SNTB1: variants seen among roughly 807,000 people sequenced by gnomAD.
SNTB1 encodes beta-1-syntrophin.
A neutral mutation model predicts 48.9 loss-of-function variants in SNTB1; 36 were observed. That is an observed-to-expected ratio of 0.74 (90% CI 0.56 to 0.97). The LOEUF is 0.97. Ranked by LOEUF, SNTB1 falls within the 50% of genes least tolerant of loss-of-function variation. SNTB1 has a pLI of 0.00. For missense variants in SNTB1, 786 were observed against 703.4 expected, an observed-to-expected ratio of 1.12 and a Z score of -1.33; for synonymous variants, 299 against 294.6, an observed-to-expected ratio of 1.01 and a Z score of -0.15.
chr8:120,555,781 TGG>T (rs1425750367), intron 4 of SNTB1, among the ~76,000 whole-genome samples: 2 of 151,686 alleles, frequency 1.3e-5, no homozygotes, highest in Non-Finnish European at 2.9e-5. Flanking sequence ...GTCCTAAGAG[TGG>T]GGCATTAATC....
At chr8:120,611,817 G>A (rs999113534) in intron 3 of SNTB1, among the ~76,000 whole-genome samples, 3 of 98,860 alleles carry the variant, frequency 3.0e-5, no homozygotes, top group Admixed American at 1.4e-4. Context: ...GCGAGACTCT[G>A]TCTCGAAAAA....
intron 1 of SNTB1, among the ~76,000 whole-genome samples, chr8:120,727,748 T>C (rs1245712536): frequency 6.6e-6 from 1 of 152,196 alleles, no homozygotes; most frequent in African/African-American, 2.4e-5. Flanking sequence ...GGCTGTGTGG[T>C]TGCCTATGAG....
At chr8:120,678,050 A>C (rs995415999) in intron 2 of SNTB1, among the ~76,000 whole-genome samples, 1 of 152,226 alleles carries the variant, frequency 6.6e-6, no homozygotes, top group Non-Finnish European at 1.5e-5. Flanking sequence ...TGTGTTTCAT[A>C]ACAGAGATCT....
intron 2 of SNTB1, among the ~76,000 whole-genome samples, chr8:120,661,526 A>G (rs1323710919): frequency 6.6e-6 from 1 of 152,158 alleles, no homozygotes; most frequent in East Asian, 1.9e-4. Flanking sequence ...CATGTGCTGA[A>G]CATACAGGTT....
intron 2 of SNTB1, among the ~76,000 whole-genome samples, chr8:120,693,043 G>A (rs1388452607): frequency 1.3e-5 from 2 of 152,158 alleles, no homozygotes; most frequent in Non-Finnish European, 2.9e-5. Context: ...ATGGTGGAAG[G>A]GGCAGGGGGT....
At chr8:120,655,501 G>A (rs1430898602) in intron 2 of SNTB1, among the ~76,000 whole-genome samples, 1 of 152,174 alleles carries the variant, frequency 6.6e-6, no homozygotes, top group African/African-American at 2.4e-5. Flanking sequence ...AGAAGATGGT[G>A]TCTTAGTGGG....
intron 1 of SNTB1, among the ~76,000 whole-genome samples, chr8:120,803,610 T>C (rs1225090709): frequency 6.6e-6 from 1 of 152,182 alleles, no homozygotes; most frequent in Non-Finnish European, 1.5e-5. Flanking sequence ...TTTTCACAAA[T>C]ATGGAGCCAT....
chr8:120,618,983 G>C (rs1235914864), intron 3 of SNTB1, among the ~76,000 whole-genome samples: 1 of 152,094 alleles, frequency 6.6e-6, no homozygotes, highest in Non-Finnish European at 1.5e-5. Flanking sequence ...TAGTTTGTTA[G>C]AAGTTTAAAT....
At chr8:120,670,749 G>C (rs1266144852) in intron 2 of SNTB1, among the ~76,000 whole-genome samples, 2 of 152,196 alleles carry the variant, frequency 1.3e-5, no homozygotes, top group African/African-American at 4.8e-5. Flanking sequence ...AAAGTGCATA[G>C]TGGACATGGA....
chr8:120,672,163 G>A (rs1267808251), intron 2 of SNTB1, among the ~76,000 whole-genome samples: 1 of 152,134 alleles, frequency 6.6e-6, no homozygotes, highest in African/African-American at 2.4e-5. Context: ...GTTTAATACA[G>A]GCTAAGCTAA....
chr8:120,544,482 G>A (rs901915856), intron 5 of SNTB1, among the ~76,000 whole-genome samples: 1 of 152,036 alleles, frequency 6.6e-6, no homozygotes, highest in Admixed American at 6.6e-5. Context: ...TCACACTTTG[G>A]GTCATTTCCA....
intron 1 of SNTB1, among the ~76,000 whole-genome samples, chr8:120,710,927 C>T (rs146714605): frequency 3.3e-4 from 50 of 152,282 alleles, no homozygotes; most frequent in African/African-American, 4.8e-4. Context: ...TGTGTTAAAA[C>T]GCAACTCTTC....
intron 1 of SNTB1, among the ~76,000 whole-genome samples, chr8:120,727,492 G>A (rs1193714137): frequency 6.6e-6 from 1 of 152,206 alleles, no homozygotes; most frequent in Non-Finnish European, 1.5e-5. Context: ...GAAGGGTCGT[G>A]ATGAGTATTA....
rs547240837 is a variant in SNTB1 at position 120,726,919 on chromosome 8, G to T, written c.572-33011C>A. Among the ~76,000 whole-genome samples, 11 of 152,322 alleles carry T rather than the reference G, an allele frequency of 7.2e-5. No homozygotes were observed. In the East Asian group the frequency reaches 1.3e-3, roughly 19 times the overall value. ...AGTAGTGTCTAATAGTCAATCTGCA[G>T]TGCTCCTCTTCAGCTTAAATAATGT... On this transcript the variant is annotated intron_variant, in intron 1 of 6. Transcript: ENST00000517992.
chr8:120,688,796 T>C (rs745839092), intron 2 of SNTB1, among the ~76,000 whole-genome samples: 4 of 152,206 alleles, frequency 2.6e-5, no homozygotes, highest in Admixed American at 2.0e-4. Context: ...TTTTATGTAA[T>C]ACTGAGGAGT....
rs1817000883 is a variant in SNTB1 at position 120,632,494 on chromosome 8, C to T, written c.946G>A (p.Gly316Ser). The T allele has an allele frequency of 1.2e-6, 2 of 1,614,182 alleles. No individual in the cohort carries two copies. The highest frequency in any genetic ancestry group is 4.5e-5 in the East Asian group (2 of 44,874). The change falls in exon 3 of 7, where the codon GGC becomes AGC. Residue 316 changes from glycine to serine, a missense_variant. By Grantham distance (56) the Gly-to-Ser change is moderately conservative (BLOSUM62 0). Transcript: ENST00000517992. ...CTAATCTCTCGGCTCCCAGCAATGC[C>T]TGTTTTCCCCAGCTGCTCTCTGACC... ...AEVREQLGKTGIAGSREIRHL... is the reference protein window; with the variant it reads ...AEVREQLGKTSIAGSREIRHL...
chr8:120,658,221 A>G (rs1817531097), intron 2 of SNTB1, among the ~76,000 whole-genome samples: 1 of 152,240 alleles, frequency 6.6e-6, no homozygotes, highest in African/African-American at 2.4e-5. Flanking sequence ...TTAGTATCCA[A>G]GAACCTGTTA....
intron 1 of SNTB1, among the ~76,000 whole-genome samples, chr8:120,775,803 G>A (rs1819725980): frequency 2.0e-5 from 3 of 152,108 alleles, no homozygotes; most frequent in African/African-American, 7.2e-5. Flanking sequence ...ATCAGCCCAT[G>A]CCTAGGGAGT....
chr8:120,806,089 G>T (rs758609149), intron 1 of SNTB1, among the ~76,000 whole-genome samples: 5 of 152,230 alleles, frequency 3.3e-5, no homozygotes, highest in Non-Finnish European at 7.3e-5. Context: ...CAAAAGGTTA[G>T]GCACTACAAA....
Sources: allele counts gnomAD v4.1 joint callset (sites outside exome capture counted in the v4.1 genomes callset), GRCh38; gene constraint gnomAD v4.1.1; transcripts MANE v1.5; gene names NCBI Gene and HGNC (gene_info 2026-07-23, HGNC 2026-07-21).